SIN3B: variants seen among roughly 807,000 people sequenced by gnomAD.
SIN3B encodes paired amphipathic helix protein Sin3b.
In SIN3B, 19 loss-of-function variants were observed where a neutral mutation model predicts 120.2. The ratio of observed to expected loss-of-function variants is 0.16; its 90% CI spans 0.11 to 0.23. The LOEUF is 0.23. Ranked by LOEUF, SIN3B falls within the 10% of genes least tolerant of loss-of-function variation. The pLI is 1.00. For missense variants in SIN3B, 1,073 were observed against 1,573.0 expected, an observed-to-expected ratio of 0.68 and a Z score of 5.38; for synonymous variants, 654 against 653.2, an observed-to-expected ratio of 1.00 and a Z score of -0.02.
intron 4 of SIN3B, among the ~76,000 whole-genome samples, chr19:16,846,025 G>A (rs1021242920): frequency 2.0e-5 from 3 of 152,242 alleles, no homozygotes; most frequent in Admixed American, 6.5e-5. Context: ...CTCCTGCCTC[G>A]GCCTCCCAAA....
rs760079412 is a variant in SIN3B, at chr19:16,865,664, C to G, written c.1622+16C>G. The G allele has an allele frequency of 6.5e-7, 1 of 1,542,696 alleles. No homozygotes were observed. The highest frequency in any genetic ancestry group is 8.9e-7 in the Non-Finnish European group (1 of 1,127,530). ...TCCTGAAAAGGTGCCCTGTGGCGTCCCGACTTCCCTTCCCCTTCCCCTTCC... is the reference window on the plus strand; with the variant it reads ...TCCTGAAAAGGTGCCCTGTGGCGTCGCGACTTCCCTTCCCCTTCCCCTTCC... On this transcript the variant is annotated intron_variant, in intron 11 of 18. Coordinates refer to ENST00000248054, the MANE Select transcript of SIN3B (RefSeq NM_001297595.2).
chr19:16,867,630 G>T (rs1259305593), intron 12 of SIN3B, among the ~76,000 whole-genome samples: 1 of 152,210 alleles, frequency 6.6e-6, no homozygotes, highest in Non-Finnish European at 1.5e-5. Context: ...CCTGGGCAGG[G>T]GGTGTTGCCT....
At chr19:16,842,547 C>G (rs1971431502) in intron 4 of SIN3B, among the ~76,000 whole-genome samples, 1 of 151,966 alleles carries the variant, frequency 6.6e-6, no homozygotes, top group Non-Finnish European at 1.5e-5. Flanking sequence ...GCTGGGAGTA[C>G]AGGTGTGTGT....
At position 16,876,475 on chromosome 19, in the gene SIN3B, C is replaced by G. The variant is rs2051609358; in HGVS notation, c.2767-11C>G. ...CCGGCAGTGGAGGCTGTCAGCGTTC[C>G]TGCTCCGCAGGTGATGTTCCTGCAG... On this transcript the variant is annotated splice_polypyrimidine_tract_variant and intron_variant, in intron 15 of 18. Transcript: ENST00000248054. This position sits in a 1 kb window ranked among gnomAD's most constrained non-coding sequence, Gnocchi z 7.1. The G allele has an allele frequency of 1.2e-6, 2 of 1,611,780 alleles. No individual in the cohort carries two copies. The highest frequency in any genetic ancestry group is 1.7e-4 in the Middle Eastern group (1 of 6,060).
At chr19:16,863,870 C>T in intron 10 of SIN3B, 74 bp downstream of exon 10, 2 of 1,018,602 alleles carry the variant, frequency 2.0e-6, no homozygotes, top group African/African-American at 1.6e-5. Context: ...CATCCTGATC[C>T]TCCTCCACTG....
At chr19:16,877,442 G>A in intron 16 of SIN3B, 103 bp from the exon 17 acceptor site, 1 of 799,656 alleles carries the variant, frequency 1.3e-6, no homozygotes, top group Non-Finnish European at 2.1e-6. Flanking sequence ...CTGGCAGTGG[G>A]GGGCACAGAA....
At position 16,876,024 on chromosome 19, in the gene SIN3B, G is replaced by T. The variant is rs1191435661; in HGVS notation, c.2593-31G>T. The T allele has an allele frequency of 9.8e-6, 15 of 1,531,270 alleles. No homozygotes were observed. The East Asian group carries it at 3.4e-4, about 35-fold the overall frequency. 94.9% of individuals were successfully genotyped at this position (1,531,270 alleles called of 1,614,324 possible). A position where few individuals can be genotyped will look rare whatever the true frequency, so the allele number is the denominator to read the frequency against. ...GGTGGGGACTCCCGCAGGAGGCGGG[G>T]TGGCCGCACCACCTGCTTTCCTCCC... On this transcript the variant is annotated intron_variant, in intron 14 of 18. Coordinates refer to ENST00000248054, the MANE Select transcript of SIN3B (RefSeq NM_001297595.2). This position sits in a 1 kb window ranked among gnomAD's most constrained non-coding sequence, Gnocchi z 7.1.
intron 4 of SIN3B, among the ~76,000 whole-genome samples, chr19:16,844,471 AC>A (rs1971455903): frequency 6.6e-6 from 1 of 152,220 alleles, no homozygotes; most frequent in Non-Finnish European, 1.5e-5. Context: ...CAGTTCAGGC[AC>A]AAGCCTGCCT....
rs916486145 is a variant in SIN3B at position 16,832,715 on chromosome 19, G to A, written c.381+1068G>A. On this transcript the variant is annotated intron_variant, in intron 3 of 18. Transcript: ENST00000248054. ...ACAGGGTCTCACTATGTTGCCCAGG[G>A]TTGGTCTCGATCTCCTGGCCTCAAG... is the stretch of plus-strand genomic sequence containing the variant. Among the ~76,000 whole-genome samples the A allele has an allele frequency of 3.3e-5, 5 of 151,928 alleles. No individual in the cohort carries two copies. In the South Asian group the frequency reaches 1.0e-3, roughly 32 times the overall value.
chr19:16,874,931 T>C (rs2051568857), intron 14 of SIN3B, among the ~76,000 whole-genome samples: 1 of 151,690 alleles, frequency 6.6e-6, no homozygotes, highest in Non-Finnish European at 1.5e-5. Context: ...TGGTTGGTTT[T>C]GGTTTGGTCT....
chr19:16,849,067 C>T (rs1971513519), intron 5 of SIN3B, among the ~76,000 whole-genome samples: 1 of 152,178 alleles, frequency 6.6e-6, no homozygotes, highest in Admixed American at 6.5e-5. Context: ...TTAGAGCTAT[C>T]TTGTATATTT....
rs150098149 is a variant in SIN3B, at chr19:16,878,321, C to T, written c.3093C>T (p.His1031=). ...ACTGCCGCTTCAAGCTCAGCACTCA[C>T]AAGATGGTGTTCATCGTGAACTCCG... ...DVDCRFKLST[H]KMVFIVNSED... The change falls in exon 18 of 19, where the codon CAC becomes CAT. Residue 1031 remains histidine (H), a synonymous_variant. Coordinates refer to ENST00000248054, the MANE Select transcript of SIN3B (RefSeq NM_001297595.2). 1.9e-3 allele frequency: 3,021 copies of T among 1,612,242 alleles called. 1 individual carries two copies. Among genetic ancestry groups the T allele is most frequent in the Non-Finnish European group, 2.2e-3 (2,631 of 1,179,542 alleles).
chr19:16,871,466 C>T lies in SIN3B; in HGVS notation c.2592+68C>T, dbSNP rs73928677. 4,460 of 1,463,312 alleles carry T rather than the reference C, an allele frequency of 3.0e-3. 114 individuals carry two copies. The African/African-American group carries it at 0.055, about 18-fold the overall frequency. The allele number at this position is 1,463,312 out of a possible 1,614,324, so 90.6% of individuals were successfully genotyped here. A position where few individuals can be genotyped will look rare whatever the true frequency, so the allele number is the denominator to read the frequency against. On this transcript the variant is annotated intron_variant, in intron 14 of 18. Coordinates refer to ENST00000248054, the MANE Select transcript of SIN3B (RefSeq NM_001297595.2). ...ATGGCTCTACCATCATTTCACTCCC[C>T]GCTCGGGAGGGGGCCCGTGGTCAGC...
rs1971486431 is a variant in SIN3B, at chr19:16,846,914, C to T, written c.583-56C>T. ...GGAGGGCTGCCTGAGTGTCCCGGCCCAGGGCACAGCACTCCTTGACTAACG... is the reference window on the plus strand; with the variant it reads ...GGAGGGCTGCCTGAGTGTCCCGGCCTAGGGCACAGCACTCCTTGACTAACG... On this transcript the variant is annotated intron_variant, in intron 4 of 18. Transcript: ENST00000248054. 8.3e-6 allele frequency: 13 copies of T among 1,573,096 alleles called. No individual in the cohort carries two copies. The Admixed American group carries it at 2.2e-4, about 27-fold the overall frequency.
At chr19:16,833,767 A>C (rs1032313771) in intron 3 of SIN3B, among the ~76,000 whole-genome samples, 1 of 150,242 alleles carries the variant, frequency 6.7e-6, no homozygotes, top group Non-Finnish European at 1.5e-5. Context: ...TCTGTCACCC[A>C]GGCTGGAGTT....
intron 8 of SIN3B, among the ~76,000 whole-genome samples, chr19:16,857,326 A>C (rs1971628360): frequency 6.6e-6 from 1 of 152,134 alleles, no homozygotes; most frequent in Non-Finnish European, 1.5e-5. Flanking sequence ...AACTCCAAGA[A>C]CAGTTTTTAT....
chr19:16,857,512 AAAATATGTGT>A (rs1971630605), intron 8 of SIN3B, among the ~76,000 whole-genome samples: 1 of 78,444 alleles, frequency 1.3e-5, no homozygotes, highest in African/African-American at 4.8e-5. Flanking sequence ...TAACTTAAAA[AAAATATGTGT>A]GTGTGTGTGT....
chr19:16,875,738 GGTTTGGTCTGGTCTGGTCT>G (rs1263399108), intron 14 of SIN3B, among the ~76,000 whole-genome samples: 16 of 141,614 alleles, frequency 1.1e-4, no homozygotes, highest in East Asian at 4.3e-4. Context: ...TGGTCTGGTC[GGTTTGGTCTGGTCTGGTCT>G]GTTTGGTCTG....
chr19:16,869,308 C>A, intron 12 of SIN3B, 152 bp from the exon 13 acceptor site: 3 of 976,526 alleles, frequency 3.1e-6, no homozygotes, highest in Non-Finnish European at 3.0e-6. Context: ...ACCCCCCAGG[C>A]CCTGCTGCCT....
Sources: gnomAD v4.1 joint callset for allele counts (sites outside exome capture counted in the v4.1 genomes callset) on GRCh38, gnomAD v4.1.1 for gene constraint, Gnocchi (gnomAD v3.1) non-coding constraint, MANE v1.5 for transcripts, NCBI Gene and HGNC (gene_info 2026-07-23, HGNC 2026-07-21) for gene names.